The following APBA2 variants were observed in gnomAD, a reference collection of about 807,000 sequenced individuals.
APBA2 encodes amyloid-beta A4 precursor protein-binding family A member 2.
A neutral mutation model predicts 75.0 loss-of-function variants in APBA2; 30 were observed. The observed-to-expected ratio is 0.40, with a 90% CI of 0.30 to 0.54. APBA2 has a LOEUF of 0.54. Among genes scored for constraint, APBA2 ranks in the 20% least tolerant of loss-of-function variants. APBA2 has a pLI of 0.49. For synonymous variants in APBA2, 444 were observed against 409.6 expected (o/e 1.08, Z -1.01); for missense variants, 801 against 1,016.1 (o/e 0.79, Z 2.88).
Position 29,054,038 on chromosome 15 carries a change from C to G in APBA2, c.154C>G (p.Arg52Gly). The change falls in exon 4 of 15, where the codon CGG becomes GGG. Residue 52 changes from arginine to glycine, a missense_variant. Around this residue, in one of 2 missense-constraint regions of APBA2, gnomAD observed 434 missense variants for 471.6 expected, o/e 0.92. Transcript: ENST00000683413. The surrounding 1 kb of genome is among the most constrained non-coding windows in gnomAD (Gnocchi z 6.1). ...VPEGLELAAL[R>G]PESPAPEEQE... ...CGAGGGCCTGGAGCTGGCTGCCCTGCGGCCAGAGAGCCCCGCGCCAGAGGA... is the reference window on the plus strand; with the variant it reads ...CGAGGGCCTGGAGCTGGCTGCCCTGGGGCCAGAGAGCCCCGCGCCAGAGGA... 1 of 1,613,788 alleles carries G rather than the reference C, an allele frequency of 6.2e-7. No homozygotes were observed.
intron 3 of APBA2, among the ~76,000 whole-genome samples, chr15:29,036,263 A>G (rs2040749006): frequency 6.6e-6 from 1 of 152,090 alleles, no homozygotes; most frequent in African/African-American, 2.4e-5. Flanking sequence ...TTTTTTTAAC[A>G]TATCTACAGA....
At chr15:29,023,981 G>T (rs2040089329) in intron 3 of APBA2, among the ~76,000 whole-genome samples, 1 of 149,098 alleles carries the variant, frequency 6.7e-6, no homozygotes, top group African/African-American at 2.5e-5. Context: ...TCGGCTCACT[G>T]CAACCTCCAC....
At chr15:28,994,903 C>G (rs537903809) in intron 2 of APBA2, among the ~76,000 whole-genome samples, 5 of 152,196 alleles carry the variant, frequency 3.3e-5, no homozygotes, top group African/African-American at 9.7e-5. Flanking sequence ...CAGCCTGGCC[C>G]GGCTCAACAG....
rs1333076440 is a variant in APBA2, at chr15:28,916,644, G to A, written c.-204-4996G>A. 6.7e-5 allele frequency among the ~76,000 whole-genome samples: 9 copies of A among 133,692 alleles called. No individual in the cohort carries two copies. The East Asian group carries it at 6.8e-4, about 10-fold the overall frequency. The allele number at this position is 133,692 out of a possible 152,430, so 87.7% of individuals were successfully genotyped here. ...GTGTGTATTCTCTAGCCATCTTGAC[G>A]GACCTGTAACTGGGATCTACACACG... On this transcript the variant is annotated intron_variant, in intron 1 of 14. Transcript: ENST00000683413.
At chr15:28,974,561 C>T (rs1044132109) in intron 2 of APBA2, among the ~76,000 whole-genome samples, 3 of 151,992 alleles carry the variant, frequency 2.0e-5, no homozygotes, top group South Asian at 2.1e-4. Flanking sequence ...CAATGAGTTC[C>T]GTAACAGAAA....
At chr15:28,905,920 T>A (rs1410013212) in intron 1 of APBA2, among the ~76,000 whole-genome samples, 2 of 152,158 alleles carry the variant, frequency 1.3e-5, no homozygotes, top group African/African-American at 4.8e-5. Flanking sequence ...ATGCATCATG[T>A]AGAATAGAAA....
intron 6 of APBA2, among the ~76,000 whole-genome samples, chr15:29,079,541 A>C (rs1040390103): frequency 6.6e-6 from 1 of 152,124 alleles, no homozygotes; most frequent in African/African-American, 2.4e-5. Context: ...TTGGCCAGAC[A>C]ATCAAACCCT....
Position 28,918,230 on chromosome 15 carries a change from C to A in APBA2, c.-204-3410C>A, listed in dbSNP as rs2033778308. On this transcript the variant is annotated intron_variant, in intron 1 of 14. Transcript: ENST00000683413. The surrounding 1 kb of genome is among the most constrained non-coding windows in gnomAD (Gnocchi z 4.2). ...CAGGGAGGTGCAGAAGCGTTCCTGG[C>A]GCCACGGAGCCGGTCAGTGACAGAG... is the stretch of plus-strand genomic sequence containing the variant. Among the ~76,000 whole-genome samples the A allele has an allele frequency of 6.6e-6, 1 of 152,154 alleles. No individual in the cohort carries two copies. Among genetic ancestry groups the A allele is most frequent in the South Asian group, 2.1e-4 (1 of 4,828 alleles).
intron 3 of APBA2, among the ~76,000 whole-genome samples, chr15:29,018,960 G>A (rs987643735): frequency 5.3e-5 from 8 of 152,182 alleles, no homozygotes; most frequent in Non-Finnish European, 1.0e-4. Flanking sequence ...GAGGAAATGG[G>A]CTGATGTGTG....
intron 13 of APBA2, chr15:29,108,739 A>C (rs1402372215): frequency 1.6e-5 from 7 of 436,822 alleles, no homozygotes; most frequent in Non-Finnish European, 2.6e-5. Flanking sequence ...TGTGCTCAAC[A>C]AACAGACGTT....
intron 2 of APBA2, among the ~76,000 whole-genome samples, chr15:28,951,881 CT>C (rs71414600): frequency 0.054 from 5,918 of 109,632 alleles, 213 homozygotes; most frequent in African/African-American, 0.09. Context: ...TGCACTCAGC[CT>C]TTTTTTTTTT....
At chr15:29,050,951 T>G (rs917776111) in intron 3 of APBA2, among the ~76,000 whole-genome samples, 6 of 146,940 alleles carry the variant, frequency 4.1e-5, no homozygotes, top group African/African-American at 1.6e-4. Context: ...GTGCCAGTGA[T>G]GTACCATCTG....
At chr15:28,927,217 T>G (rs1307326169) in intron 2 of APBA2, among the ~76,000 whole-genome samples, 1 of 152,122 alleles carries the variant, frequency 6.6e-6, no homozygotes, top group Non-Finnish European at 1.5e-5. Context: ...ATTCTTATCT[T>G]TACCCCTCTA....
chr15:29,017,498 T>C (rs1298563412), intron 3 of APBA2, among the ~76,000 whole-genome samples: 1 of 147,264 alleles, frequency 6.8e-6, no homozygotes, highest in African/African-American at 2.5e-5. Flanking sequence ...GCGTCCAGAG[T>C]AGCTGGGATT....
intron 2 of APBA2, among the ~76,000 whole-genome samples, chr15:28,979,090 G>A (rs1274988939): frequency 6.6e-6 from 1 of 152,182 alleles, no homozygotes; most frequent in Admixed American, 6.5e-5. Flanking sequence ...TGATCCCTGA[G>A]CACTGTGCCT....
At chr15:29,003,518 C>A (rs930792777) in intron 3 of APBA2, among the ~76,000 whole-genome samples, 1 of 152,134 alleles carries the variant, frequency 6.6e-6, no homozygotes, top group Non-Finnish European at 1.5e-5. Flanking sequence ...CATCAACCTG[C>A]GGAGTCTCTA....
intron 10 of APBA2, among the ~76,000 whole-genome samples, chr15:29,104,371 G>A (rs1443115399): frequency 1.3e-5 from 2 of 152,212 alleles, no homozygotes; most frequent in Non-Finnish European, 2.9e-5. Context: ...GCCCCGCCGC[G>A]CTCCCAGGGC....
intron 3 of APBA2, among the ~76,000 whole-genome samples, chr15:29,051,603 C>T (rs1053334472): frequency 2.6e-5 from 4 of 152,150 alleles, no homozygotes; most frequent in Admixed American, 6.5e-5. Flanking sequence ...TCTCCTTCTT[C>T]GTTCTTTTGG....
At chr15:28,945,823 C>T (rs2035515977) in intron 2 of APBA2, among the ~76,000 whole-genome samples, 1 of 152,072 alleles carries the variant, frequency 6.6e-6, no homozygotes, top group Non-Finnish European at 1.5e-5. Context: ...TGTTGCTGTT[C>T]CCAGGAAGAT....
Sources: allele counts gnomAD v4.1 joint callset (sites outside exome capture counted in the v4.1 genomes callset), GRCh38; gene constraint gnomAD v4.1.1; regional missense constraint gnomAD v4.1.1; non-coding constraint Gnocchi (gnomAD v3.1); transcripts MANE v1.5; gene names NCBI Gene and HGNC (gene_info 2026-07-23, HGNC 2026-07-21).